Variants in KCNH1 observed in about 807,000 individuals in gnomAD.
KCNH1 encodes the protein voltage-gated delayed rectifier potassium channel KCNH1.
Under a neutral mutation model 69.2 loss-of-function variants are expected in KCNH1, and 27 were observed. The observed-to-expected ratio is 0.39, with a 90% CI of 0.29 to 0.54. The LOEUF (loss-of-function observed/expected upper bound fraction) is 0.54, where lower values mean the gene tolerates loss of function less well. Among genes scored for constraint, KCNH1 ranks in the 20% least tolerant of loss-of-function variants. KCNH1 has a pLI of 0.68. For missense variants in KCNH1, 798 were observed against 1,261.6 expected (o/e 0.63, Z 5.57); for synonymous variants, 456 against 487.7 (o/e 0.93, Z 0.86).
At chr1:210,856,771 T>C (rs553914006) in intron 7 of KCNH1, among the ~76,000 whole-genome samples, 42 of 124,836 alleles carry the variant, frequency 3.4e-4, no homozygotes, top group Non-Finnish European at 5.7e-4. Flanking sequence ...GTTTGTTATA[T>C]ATATATGTTA....
chr1:210,907,054 C>T (rs1687117459), intron 7 of KCNH1, among the ~76,000 whole-genome samples: 1 of 152,228 alleles, frequency 6.6e-6, no homozygotes, highest in South Asian at 2.1e-4. Flanking sequence ...AAGGCACTTT[C>T]ACTTTCTTGC....
At chr1:210,740,704 ATTTTTT>A (rs199727493) in intron 10 of KCNH1, among the ~76,000 whole-genome samples, 1,212 of 117,244 alleles carry the variant, frequency 0.01, 28 homozygotes, top group African/African-American at 0.037. Flanking sequence ...TTATGATTAA[ATTTTTT>A]TTTTTTTTTT....
intron 10 of KCNH1, among the ~76,000 whole-genome samples, chr1:210,773,687 T>C (rs1407683933): frequency 2.0e-5 from 3 of 152,204 alleles, no homozygotes; most frequent in Non-Finnish European, 4.4e-5. Flanking sequence ...CCCTGACAAT[T>C]AATCCTTGAC....
At chr1:210,875,802 C>CAA (rs201501883) in intron 7 of KCNH1, among the ~76,000 whole-genome samples, 3 of 122,318 alleles carry the variant, frequency 2.5e-5, no homozygotes, top group Admixed American at 8.7e-5. Context: ...GACACTTTCT[C>CAA]AAAAAAAAAA....
intron 6 of KCNH1, among the ~76,000 whole-genome samples, chr1:210,972,475 A>T (rs1405480661): frequency 6.6e-6 from 1 of 152,088 alleles, no homozygotes; most frequent in Non-Finnish European, 1.5e-5. Flanking sequence ...TTCCTTTTTT[A>T]AAAAAAGCTT....
rs2149023301 is a variant in KCNH1 at position 210,718,118 on chromosome 1, A to G, written c.2113-33980T>C. 2.0e-5 allele frequency among the ~76,000 whole-genome samples: 3 copies of G among 150,962 alleles called. No homozygotes were observed. The East Asian group carries it at 5.8e-4, about 29-fold the overall frequency. On this transcript the variant is annotated intron_variant, in intron 10 of 10. Transcript: ENST00000271751. ...CAAGACTCCATCTCAGAAAACAAAA[A>G]CAAAAACAAAAAACAAGGAAAAAAA...
At chr1:210,696,164 G>A (rs1681634613) in intron 10 of KCNH1, among the ~76,000 whole-genome samples, 1 of 152,156 alleles carries the variant, frequency 6.6e-6, no homozygotes, top group Admixed American at 6.5e-5. Context: ...AGAAGTCTGG[G>A]GAGTAGCTAC....
At chr1:210,786,954 G>A (rs1184560523) in intron 9 of KCNH1, among the ~76,000 whole-genome samples, 1 of 152,076 alleles carries the variant, frequency 6.6e-6, no homozygotes, top group African/African-American at 2.4e-5. Context: ...CATGCTCCCT[G>A]CCTTTTATCT....
intron 1 of KCNH1, among the ~76,000 whole-genome samples, chr1:211,130,694 A>G (rs1012685164): frequency 3.2e-4 from 49 of 152,190 alleles, no homozygotes; most frequent in African/African-American, 1.0e-3. Context: ...TAAGGATTTT[A>G]GTTCCTTAAA....
intron 5 of KCNH1, among the ~76,000 whole-genome samples, chr1:211,067,958 T>C (rs1690561468): frequency 6.6e-6 from 1 of 152,222 alleles, no homozygotes; most frequent in Non-Finnish European, 1.5e-5. Context: ...AAGCACAGAA[T>C]GTGGTACACA....
intron 7 of KCNH1, among the ~76,000 whole-genome samples, chr1:210,854,514 T>C (rs1415963122): frequency 6.6e-6 from 1 of 152,188 alleles, no homozygotes; most frequent in Non-Finnish European, 1.5e-5. Flanking sequence ...TTTGGGAGCA[T>C]CTCTGAAGAG....
intron 10 of KCNH1, among the ~76,000 whole-genome samples, chr1:210,706,425 G>C (rs1228905447): frequency 6.6e-6 from 1 of 152,210 alleles, no homozygotes; most frequent in Non-Finnish European, 1.5e-5. Context: ...AATAAGCAAA[G>C]CATTTGAAAG....
chr1:210,688,778 T>C (rs17260662), intron 10 of KCNH1, among the ~76,000 whole-genome samples: 2,575 of 152,320 alleles, frequency 0.017, 35 homozygotes, highest in Middle Eastern at 0.031. Context: ...TGCCTTCTTT[T>C]TTCACATCAC....
intron 7 of KCNH1, among the ~76,000 whole-genome samples, chr1:210,913,128 G>T (rs1489010247): frequency 1.3e-5 from 2 of 152,120 alleles, no homozygotes; most frequent in Non-Finnish European, 2.9e-5. Flanking sequence ...CAAAATGGGG[G>T]CACCCAACTG....
chr1:211,113,561 A>G (rs1261025445), intron 1 of KCNH1, among the ~76,000 whole-genome samples: 1 of 152,154 alleles, frequency 6.6e-6, no homozygotes, highest in Non-Finnish European at 1.5e-5. Context: ...ATGGAAGAGG[A>G]GAAGGAACAG....
intron 1 of KCNH1, among the ~76,000 whole-genome samples, chr1:211,116,699 G>A (rs1691590477): frequency 6.6e-6 from 1 of 152,158 alleles, no homozygotes. Flanking sequence ...CCAGCCTGGT[G>A]GGGAAAGAGA....
At chr1:210,705,052 G>A (rs1045562560) in intron 10 of KCNH1, among the ~76,000 whole-genome samples, 1 of 152,174 alleles carries the variant, frequency 6.6e-6, no homozygotes, top group Non-Finnish European at 1.5e-5. Context: ...GGAAGGTAGG[G>A]AGGTGGGGCG....
intron 10 of KCNH1, among the ~76,000 whole-genome samples, chr1:210,761,076 C>G (rs1216979677): frequency 6.6e-6 from 1 of 150,546 alleles, no homozygotes; most frequent in Non-Finnish European, 1.5e-5. Context: ...AATGGTGAAA[C>G]CCCGTCTCTA....
chr1:211,079,049 C>T lies in KCNH1; in HGVS notation c.558+3731G>A, dbSNP rs1690796052. 2.0e-5 allele frequency among the ~76,000 whole-genome samples: 3 copies of T among 149,522 alleles called. 1 individual carries two copies. The South Asian group carries it at 6.4e-4, about 32-fold the overall frequency. On this transcript the variant is annotated intron_variant, in intron 5 of 10. Coordinates refer to ENST00000271751, the MANE Select transcript of KCNH1 (RefSeq NM_172362.3). ...GGAGCTGGTTTTTTGAAAAGATCAA[C>T]AAAATTGATAGACCACTAGCAAGAC...
Sources: gnomAD v4.1 joint callset for allele counts (sites outside exome capture counted in the v4.1 genomes callset) on GRCh38, gnomAD v4.1.1 for gene constraint, MANE v1.5 for transcripts, NCBI Gene and HGNC (gene_info 2026-07-23, HGNC 2026-07-21) for gene names.